Variants in MGST1 observed in about 807,000 individuals in gnomAD.
The protein encoded by MGST1 is glutathione S-transferase 12.
MGST1 carries 5 observed loss-of-function variants against 8.9 expected under a neutral mutation model. That is an observed-to-expected ratio of 0.56 (90% CI 0.29 to 1.19). MGST1 has a LOEUF of 1.19. Ranked by LOEUF, MGST1 falls within the 50% of genes most tolerant of loss-of-function variation. MGST1 has a pLI of 0.08. For missense variants in MGST1, 182 were observed against 187.4 expected, an observed-to-expected ratio of 0.97 and a Z score of 0.17; for synonymous variants, 54 against 67.8, an observed-to-expected ratio of 0.80 and a Z score of 1.00.
chr12:16,433,726 T>G (rs2137096098), intron 1 of MGST1, among the ~76,000 whole-genome samples: 1 of 152,240 alleles, frequency 6.6e-6, no homozygotes, highest in South Asian at 2.1e-4. Flanking sequence ...CTATGGCTCC[T>G]TAAGTTGACA....
chr12:16,564,649 G>C (rs141032139), intron 4 of MGST1, among the ~76,000 whole-genome samples: 99 of 152,232 alleles, frequency 6.5e-4, no homozygotes, highest in African/African-American at 2.3e-3. Flanking sequence ...TCCAAGCTAT[G>C]TAAAGCATAG....
At chr12:16,591,582 G>C (rs1045789165), downstream of MGST1, among the ~76,000 whole-genome samples, 2 of 151,954 alleles carry the variant, frequency 1.3e-5, no homozygotes, top group African/African-American at 4.8e-5. This position sits in a 1 kb window ranked among gnomAD's most constrained non-coding sequence, Gnocchi z 4.1. Flanking sequence ...AGAATATACA[G>C]AATGATCACA....
At chr12:16,501,797 G>T (rs187192392) in intron 4 of MGST1, among the ~76,000 whole-genome samples, 2 of 152,116 alleles carry the variant, frequency 1.3e-5, no homozygotes, top group Admixed American at 6.5e-5. Context: ...CTCCATAAGA[G>T]AATGCTATTA....
At chr12:16,403,487 TA>T (rs772563077) in intron 1 of MGST1, among the ~76,000 whole-genome samples, 8 of 152,070 alleles carry the variant, frequency 5.3e-5, no homozygotes, top group Non-Finnish European at 1.0e-4. Context: ...GTTTTGCAAT[TA>T]TTGGCTATAA....
intron 4 of MGST1, chr12:16,551,163 G>C: frequency 1.8e-6 from 2 of 1,085,458 alleles, no homozygotes; most frequent in Non-Finnish European, 2.9e-6. Context: ...TGTACATGTG[G>C]AGCAAAAAAG....
rs1940662057 is a variant in MGST1, at chr12:16,402,226, T to C, written n.778+18622T>C. On this transcript the variant is annotated intron_variant and non_coding_transcript_variant, in intron 1 of 1. Coordinates refer to the MGST1 transcript ENST00000359720. ...ATGATTTTGTCATCACAAAAGACCA[T>C]GGTAGTATCAGTTAGTTCATAACCA... The C allele has an allele frequency of 6.9e-6, 11 of 1,587,380 alleles. 1 individual carries two copies. The Middle Eastern group carries it at 1.1e-3, about 152-fold the overall frequency.
chr12:16,553,209 C>T (rs1261705087), intron 4 of MGST1, among the ~76,000 whole-genome samples: 1 of 152,050 alleles, frequency 6.6e-6, no homozygotes, highest in African/African-American at 2.4e-5. Context: ...CCTAAGACTC[C>T]GTGCCAGAAT....
At chr12:16,580,617 A>G (rs1683102861) in intron 4 of MGST1, among the ~76,000 whole-genome samples, 1 of 152,218 alleles carries the variant, frequency 6.6e-6, no homozygotes, top group Admixed American at 6.5e-5. Flanking sequence ...AATGTAGATC[A>G]TAGTCTAAAA....
At chr12:16,540,725 G>C (rs1006804377) in intron 4 of MGST1, among the ~76,000 whole-genome samples, 3 of 152,150 alleles carry the variant, frequency 2.0e-5, no homozygotes, top group African/African-American at 4.8e-5. Flanking sequence ...GAGGCCAGGA[G>C]TTCCAGACCA....
chr12:16,418,248 C>T (rs1940803179), intron 1 of MGST1, among the ~76,000 whole-genome samples: 1 of 152,042 alleles, frequency 6.6e-6, no homozygotes, highest in Non-Finnish European at 1.5e-5. Context: ...AAATACTATG[C>T]CCAAGGATGC....
chr12:16,415,629 A>G (rs1940781728), intron 1 of MGST1, among the ~76,000 whole-genome samples: 1 of 152,212 alleles, frequency 6.6e-6, no homozygotes, highest in Non-Finnish European at 1.5e-5. Flanking sequence ...ATTCATCTTA[A>G]GAATACAGTA....
At chr12:16,375,982 T>C (rs1255387673) in intron 3 of MGST1, 1 of 455,656 alleles carries the variant, frequency 2.2e-6, no homozygotes, top group Non-Finnish European at 3.6e-6. Flanking sequence ...GCTCATAAGA[T>C]ATATACACAC....
At chr12:16,550,409 G>GA (rs1364187469) in intron 4 of MGST1, 1 of 152,216 alleles carries the variant, frequency 6.6e-6, no homozygotes, top group African/African-American at 2.4e-5. Flanking sequence ...GGGTGTGGCT[G>GA]AAAAAGCAAA....
intron 4 of MGST1, among the ~76,000 whole-genome samples, chr12:16,555,000 A>C (rs977622620): frequency 6.6e-6 from 1 of 152,136 alleles, no homozygotes; most frequent in East Asian, 1.9e-4. Flanking sequence ...TTCTAACTGT[A>C]ATCTTGGGCA....
chr12:16,577,898 T>A (rs1264188464), intron 4 of MGST1, among the ~76,000 whole-genome samples: 1 of 152,222 alleles, frequency 6.6e-6, no homozygotes, highest in African/African-American at 2.4e-5. Flanking sequence ...GATCACAAAT[T>A]ATTTTATGTG....
At chr12:16,538,611 T>C (rs1427122424) in intron 4 of MGST1, among the ~76,000 whole-genome samples, 2 of 147,152 alleles carry the variant, frequency 1.4e-5, no homozygotes, top group African/African-American at 2.5e-5. Context: ...GGCACTTCTT[T>C]TTTTTTTTTT....
chr12:16,372,216 C>T (rs1015588478), intron 3 of MGST1, among the ~76,000 whole-genome samples: 9 of 151,858 alleles, frequency 5.9e-5, no homozygotes, highest in African/African-American at 2.2e-4. Flanking sequence ...TTCTCCACAG[C>T]CGAGGAAACA....
chr12:16,573,187 A>G (rs1370048015), intron 4 of MGST1, among the ~76,000 whole-genome samples: 1 of 152,148 alleles, frequency 6.6e-6, no homozygotes, highest in Non-Finnish European at 1.5e-5. Flanking sequence ...AGTGCCCCGG[A>G]CAAAAACCTC....
chr12:16,502,241 T>A (rs1941509479), intron 4 of MGST1, among the ~76,000 whole-genome samples: 1 of 152,212 alleles, frequency 6.6e-6, no homozygotes, highest in African/African-American at 2.4e-5. Flanking sequence ...GATCAATTTC[T>A]ATAGAGTCAT....
Sources: gnomAD v4.1 joint callset for allele counts (sites outside exome capture counted in the v4.1 genomes callset) on GRCh38, gnomAD v4.1.1 for gene constraint, Gnocchi (gnomAD v3.1) non-coding constraint, MANE v1.5 for transcripts, NCBI Gene and HGNC (gene_info 2026-07-23, HGNC 2026-07-21) for gene names.